SCN9A: variants seen among roughly 807,000 people sequenced by gnomAD.
SCN9A encodes the protein sodium channel protein type 9 subunit alpha.
In SCN9A, 131 loss-of-function variants were observed where a neutral mutation model predicts 187.0. The ratio of observed to expected loss-of-function variants is 0.70; its 90% CI spans 0.61 to 0.81. SCN9A has a LOEUF of 0.81. Among genes scored for constraint, SCN9A ranks in the 30% least tolerant of loss-of-function variants. SCN9A has a pLI of 0.00. For missense variants in SCN9A, 2,252 were observed against 2,396.6 expected (o/e 0.94, Z 1.26); for synonymous variants, 809 against 808.6 (o/e 1.00, Z -0.01).
intron 24 of SCN9A, chr2:166,204,665 C>A: frequency 3.0e-6 from 1 of 330,400 alleles, no homozygotes. Flanking sequence ...GTTAAATGTG[C>A]ATATATAAAT....
intron 1 of SCN9A, among the ~76,000 whole-genome samples, chr2:166,326,473 T>C (rs1048016720): frequency 1.1e-4 from 17 of 152,312 alleles, no homozygotes; most frequent in Admixed American, 2.6e-4. Context: ...GTTACACTTA[T>C]AAATTTGATT....
chr2:166,222,950 A>AAAAC (rs1694672346), intron 24 of SCN9A, among the ~76,000 whole-genome samples: 2 of 117,640 alleles, frequency 1.7e-5, no homozygotes, highest in Non-Finnish European at 3.7e-5. Context: ...AACAACAAAA[A>AAAAC]AAAAAAAAAA....
rs566524437 is a variant in SCN9A at position 166,197,824 on chromosome 2, A to G, written c.*848T>C. ...CACAGTCAAATGTTAGGCTATGTAA[A>G]TAATAGCAAATAGAACTTCTGTCAA... On this transcript the variant is annotated 3_prime_UTR_variant, in exon 27 of 27. Transcript: ENST00000642356. The G allele has an allele frequency of 2.0e-5, 3 of 152,316 alleles. No homozygotes were observed. In the South Asian group the frequency reaches 6.2e-4, roughly 32 times the overall value. The allele number at this position is 152,316 out of a possible 1,614,324, so 9.4% of individuals were successfully genotyped here.
chr2:166,295,664 C>T (rs941155242), intron 7 of SCN9A, among the ~76,000 whole-genome samples: 2 of 152,092 alleles, frequency 1.3e-5, no homozygotes, highest in Non-Finnish European at 2.9e-5. Context: ...TACAATACTC[C>T]GGAAGAGGCA....
chr2:166,371,924 T>G (rs1700573627), intron 1 of SCN9A, among the ~76,000 whole-genome samples: 1 of 152,216 alleles, frequency 6.6e-6, no homozygotes, highest in Non-Finnish European at 1.5e-5. Flanking sequence ...CAAAAATCTG[T>G]GGCTGGCCAT....
At chr2:166,261,919 T>A (rs1387186873) in intron 17 of SCN9A, among the ~76,000 whole-genome samples, 1 of 151,948 alleles carries the variant, frequency 6.6e-6, no homozygotes, top group Non-Finnish European at 1.5e-5. Context: ...GAGAGCAAAG[T>A]GATGTGTAGA....
chr2:166,348,984 C>T (rs1410669364), intron 1 of SCN9A, among the ~76,000 whole-genome samples: 7 of 151,956 alleles, frequency 4.6e-5, no homozygotes, highest in Admixed American at 3.9e-4. Context: ...CAAAATTAGC[C>T]GGGCGTGGTG....
chr2:166,364,486 C>T (rs937430088), intron 1 of SCN9A, among the ~76,000 whole-genome samples: 2 of 152,112 alleles, frequency 1.3e-5, no homozygotes, highest in Non-Finnish European at 2.9e-5. Context: ...CAATAAAATA[C>T]TACACAGCCT....
chr2:166,219,668 A>G (rs929276274), intron 24 of SCN9A, among the ~76,000 whole-genome samples: 2 of 152,156 alleles, frequency 1.3e-5, no homozygotes, highest in African/African-American at 4.8e-5. Context: ...ACAAACCCCT[A>G]TGACATGTTT....
intron 1 of SCN9A, among the ~76,000 whole-genome samples, chr2:166,351,742 G>A (rs1216952404): frequency 6.6e-6 from 1 of 152,056 alleles, no homozygotes; most frequent in Non-Finnish European, 1.5e-5. Flanking sequence ...GTGCCCATAT[G>A]GCTAACTTTA....
chr2:166,263,761 G>T (rs1696613538), intron 17 of SCN9A, among the ~76,000 whole-genome samples: 1 of 151,900 alleles, frequency 6.6e-6, no homozygotes, highest in South Asian at 2.1e-4. Flanking sequence ...ATATAACTGG[G>T]GTCCTTATAA....
chr2:166,257,383 G>A (rs991907662), intron 17 of SCN9A, among the ~76,000 whole-genome samples: 3 of 151,616 alleles, frequency 2.0e-5, no homozygotes, highest in African/African-American at 7.2e-5. Context: ...CTAGATATCT[G>A]AATCATTTCT....
At position 166,198,784 on chromosome 2, in the gene SCN9A, G is replaced by T. The variant is rs751889271; in HGVS notation, c.5855C>A (p.Thr1952Asn). Reference protein sequence around the residue: ...SPEKTDATSSTTSPPSYDSVT... With the variant: ...SPEKTDATSSNTSPPSYDSVT... ...ACTATCATATGAAGGTGGAGAGGTG[G>T]TGGATGAAGTGGCATCTGTTTTTTC... The change falls in exon 27 of 27, where the codon ACC becomes AAC. Residue 1952 changes from threonine (T) to asparagine (N), a missense_variant. Coordinates refer to ENST00000642356, the MANE Select transcript of SCN9A (RefSeq NM_001365536.1). The T allele has an allele frequency of 4.3e-6, 7 of 1,613,236 alleles. No homozygotes were observed. In the South Asian group the frequency reaches 7.7e-5, roughly 18 times the overall value.
At position 166,272,403 on chromosome 2, in the gene SCN9A, T is replaced by A. The variant is rs1409249397; in HGVS notation, c.3347A>T (p.Lys1116Ile). Reference sequence around the variant, plus strand: ...AAGTATATGAAGCATTCTTACCACTTTGCTGTATTCACTATCCGAATCACT... The same window carrying A: ...AAGTATATGAAGCATTCTTACCACTATGCTGTATTCACTATCCGAATCACT... ...LSSDSDSEYS[K>I]VRLNRSSSSE... is the part of the protein sequence containing the mutation. The change falls in exon 17 of 27, where the codon AAA becomes ATA. Residue 1116 changes from lysine (K) to isoleucine (I), a missense_variant. Around this residue, in one of 7 missense-constraint regions of SCN9A, gnomAD observed 313 missense variants for 295.3 expected, o/e 1.06. Coordinates refer to ENST00000642356, the MANE Select transcript of SCN9A (RefSeq NM_001365536.1). 6.4e-7 allele frequency: 1 copy of A among 1,562,498 alleles called. No individual in the cohort carries two copies. Among genetic ancestry groups the A allele is most frequent in the Non-Finnish European group, 8.7e-7 (1 of 1,146,378 alleles).
intron 26 of SCN9A, 140 bp downstream of exon 26, chr2:166,203,815 T>TTTAGGATTTTTTCATTCTTTCATTGTAC: frequency 1.6e-6 from 1 of 614,320 alleles, no homozygotes; most frequent in South Asian, 2.3e-5. Context: ...TGTTTTGCTT[T>TTTAGGATTTTTTCATTCTTTCATTGTAC]TTAGGATTTT....
At chr2:166,233,019 ATAATATGCATATATACTATTAGTATATG>A (rs1219956660) in intron 21 of SCN9A, among the ~76,000 whole-genome samples, 6 of 147,388 alleles carry the variant, frequency 4.1e-5, no homozygotes, top group African/African-American at 1.2e-4. Flanking sequence ...ATTAGTATAT[ATAATATGCATATATACTATTAGTATATG>A]TAATATGCAT....
rs186208787 is a variant in SCN9A, at chr2:166,210,255, A to G, written c.4399-5791T>C. 1.4e-3 allele frequency among the ~76,000 whole-genome samples: 207 copies of G among 152,134 alleles called. 1 individual carries two copies. Among genetic ancestry groups the G allele is most frequent in the African/African-American group, 4.8e-3 (200 of 41,506 alleles). Reference sequence around the variant, plus strand: ...CTCACTCATAGGTGGGAATTGAACAATGAGAACACATGGACACAGGAAGGG... The same window carrying G: ...CTCACTCATAGGTGGGAATTGAACAGTGAGAACACATGGACACAGGAAGGG... On this transcript the variant is annotated intron_variant, in intron 24 of 26. Transcript: ENST00000642356.
intron 24 of SCN9A, among the ~76,000 whole-genome samples, chr2:166,219,216 G>A (rs1013313398): frequency 6.6e-5 from 10 of 151,932 alleles, no homozygotes; most frequent in Non-Finnish European, 5.9e-5. Context: ...CCCATTACTG[G>A]GTATATACCT....
At chr2:166,200,797 G>A (rs115321359) in intron 26 of SCN9A, among the ~76,000 whole-genome samples, 9,925 of 152,130 alleles carry the variant, frequency 0.065, 375 homozygotes, top group Non-Finnish European at 0.089. Context: ...CACCACACCT[G>A]GTTAATTTTT....
Sources: allele counts gnomAD v4.1 joint callset (sites outside exome capture counted in the v4.1 genomes callset), GRCh38; gene constraint gnomAD v4.1.1; regional missense constraint gnomAD v4.1.1; transcripts MANE v1.5; gene names NCBI Gene and HGNC (gene_info 2026-07-23, HGNC 2026-07-21).